DISP1: variants seen among roughly 807,000 people sequenced by gnomAD.
DISP1 encodes dispatched RND transporter family member 1.
Under a neutral mutation model 37.3 loss-of-function variants are expected in DISP1, and 30 were observed. That is an observed-to-expected ratio of 0.80 (90% CI 0.60 to 1.09). DISP1 has a LOEUF of 1.09. Among genes scored for constraint, DISP1 ranks in the 50% least tolerant of loss-of-function variants. The probability of loss-of-function intolerance (pLI) is 0.00; values close to 1 mark genes in which losing one functional copy is unlikely to be tolerated. For synonymous variants in DISP1, 634 were observed against 690.2 expected (o/e 0.92, Z 1.28); for missense variants, 1,598 against 1,879.5 (o/e 0.85, Z 2.77).
chr1:222,833,874 A>G (rs755128386), intron 1 of DISP1, among the ~76,000 whole-genome samples: 2 of 152,240 alleles, frequency 1.3e-5, no homozygotes, highest in African/African-American at 2.4e-5. Context: ...TAAAGAGGGA[A>G]TAGTCATTAC....
chr1:222,985,236 A>G (rs1678181048), intron 4 of DISP1, among the ~76,000 whole-genome samples: 1 of 152,258 alleles, frequency 6.6e-6, no homozygotes, highest in South Asian at 2.1e-4. Context: ...TTTTACGTAC[A>G]TGTGCATATA....
At chr1:222,883,042 A>C (rs959060194) in intron 1 of DISP1, among the ~76,000 whole-genome samples, 1 of 152,194 alleles carries the variant, frequency 6.6e-6, no homozygotes, top group African/African-American at 2.4e-5. Context: ...AAGAAATGCC[A>C]GTTCAAATAA....
At chr1:222,923,903 G>A (rs1242717027) in intron 1 of DISP1, among the ~76,000 whole-genome samples, 2 of 152,104 alleles carry the variant, frequency 1.3e-5, no homozygotes, top group Admixed American at 6.6e-5. Flanking sequence ...AAATGCTGAC[G>A]ATGAGCTCTT....
chr1:222,857,571 A>G (rs937159609), intron 1 of DISP1, among the ~76,000 whole-genome samples: 4 of 152,270 alleles, frequency 2.6e-5, no homozygotes, highest in Admixed American at 6.5e-5. Context: ...CTGATAAGCA[A>G]CTTCAGCAAA....
At chr1:222,860,011 G>A (rs1668781936) in intron 1 of DISP1, among the ~76,000 whole-genome samples, 1 of 152,198 alleles carries the variant, frequency 6.6e-6, no homozygotes, top group Non-Finnish European at 1.5e-5. Flanking sequence ...TAATCAGAAG[G>A]AAACTTTTTT....
At chr1:222,916,780 T>C (rs1044639484) in intron 1 of DISP1, among the ~76,000 whole-genome samples, 1 of 152,212 alleles carries the variant, frequency 6.6e-6, no homozygotes, top group Non-Finnish European at 1.5e-5. Flanking sequence ...ATATCCTTAC[T>C]CCTGCCCATT....
intron 1 of DISP1, among the ~76,000 whole-genome samples, chr1:222,822,836 C>A (rs1663280724): frequency 6.6e-6 from 1 of 152,216 alleles, no homozygotes; most frequent in Admixed American, 6.5e-5. Flanking sequence ...CTTTTCCCTG[C>A]TCTGTTACTT....
intron 1 of DISP1, among the ~76,000 whole-genome samples, chr1:222,901,087 A>G (rs1332729957): frequency 1.3e-5 from 2 of 152,190 alleles, no homozygotes; most frequent in Non-Finnish European, 1.5e-5. Context: ...GATTATCTCT[A>G]GAAACGGTGG....
intron 1 of DISP1, among the ~76,000 whole-genome samples, chr1:222,875,845 A>G (rs1669945332): frequency 6.7e-6 from 1 of 148,918 alleles, no homozygotes; most frequent in African/African-American, 2.5e-5. Context: ...AAAAAAAAAA[A>G]AGAAAGAAAG....
chr1:222,958,260 G>A (rs1288054093), intron 3 of DISP1, among the ~76,000 whole-genome samples: 1 of 152,074 alleles, frequency 6.6e-6, no homozygotes, highest in Non-Finnish European at 1.5e-5. Context: ...TGTTTCCAGC[G>A]GGAAAATTGT....
chr1:222,867,381 G>C (rs1669256144), intron 1 of DISP1, among the ~76,000 whole-genome samples: 1 of 152,162 alleles, frequency 6.6e-6, no homozygotes, highest in Non-Finnish European at 1.5e-5. Flanking sequence ...TTCTTTGTCT[G>C]TACATAGGTA....
Position 222,990,636 on chromosome 1 carries a change from T to C in DISP1, c.551T>C (p.Leu184Pro). The C allele has an allele frequency of 1.2e-6, 2 of 1,614,072 alleles. No individual in the cohort carries two copies. Among genetic ancestry groups the C allele is most frequent in the Non-Finnish European group, 1.7e-6 (2 of 1,179,948 alleles). ...TTTGTGTTTTGTAGTTATGCAGCCC[T>C]GATAGCCGACTGGCCGGTGGTGGTC... ...PFKLPKSYAA[L>P]IADWPVVVLG... The change falls in exon 5 of 9, where the codon CTG becomes CCG. Residue 184 changes from leucine (L) to proline (P), a missense_variant. Leu to Pro is a moderately conservative substitution (Grantham distance 98). Coordinates refer to ENST00000675850, the MANE Select transcript of DISP1 (RefSeq NM_001377229.1).
intron 1 of DISP1, among the ~76,000 whole-genome samples, chr1:222,843,516 A>AT: frequency 6.6e-6 from 1 of 151,710 alleles, no homozygotes; most frequent in Non-Finnish European, 1.5e-5. Flanking sequence ...AGAATATGGA[A>AT]TGAAACATGG....
chr1:222,977,342 CT>C (rs397982983), intron 3 of DISP1, among the ~76,000 whole-genome samples: 5 of 113,882 alleles, frequency 4.4e-5, no homozygotes, highest in Admixed American at 9.9e-5. Context: ...TCAGCATATT[CT>C]TTTTTTTTTT....
At chr1:222,857,765 G>C (rs1260889220) in intron 1 of DISP1, among the ~76,000 whole-genome samples, 1 of 152,156 alleles carries the variant, frequency 6.6e-6, no homozygotes, top group African/African-American at 2.4e-5. Context: ...ACAAACCACT[G>C]CTCAAGGAAA....
At chr1:222,940,414 T>A (rs1031430458) in intron 2 of DISP1, among the ~76,000 whole-genome samples, 1 of 152,104 alleles carries the variant, frequency 6.6e-6, no homozygotes, top group African/African-American at 2.4e-5. Context: ...TCTAGCCCCA[T>A]AATCCAATCA....
chr1:222,929,454 A>G (rs985986897), intron 2 of DISP1, among the ~76,000 whole-genome samples: 2 of 152,202 alleles, frequency 1.3e-5, no homozygotes, highest in Non-Finnish European at 2.9e-5. Context: ...TTATTCAATG[A>G]TAATGCAAGA....
intron 3 of DISP1, among the ~76,000 whole-genome samples, chr1:222,956,774 TA>T (rs1401806843): frequency 2.0e-5 from 3 of 152,164 alleles, no homozygotes; most frequent in African/African-American, 7.2e-5. Flanking sequence ...TAGTTAAGTT[TA>T]ATAAGATTTT....
In DISP1 at chr1:222,984,435, T is replaced by TATATATATATATATAGAG. The variant is rs67660273; in HGVS notation, c.539+1327_539+1328insTATATATATATATAGAGA. ...AAAAAAAAAAAAATATATATATATA[T>TATATATATATATATAGAG]AGAGAGAGAGAGAGAGAGAGAGAGC... On this transcript the variant is annotated intron_variant, in intron 4 of 8. Transcript: ENST00000675850. 6.8e-4 allele frequency among the ~76,000 whole-genome samples: 74 copies of TATATATATATATATAGAG among 108,366 alleles called. 3 individuals are homozygous for TATATATATATATATAGAG. Among genetic ancestry groups the TATATATATATATATAGAG allele is most frequent in the Middle Eastern group, 9.5e-3 (2 of 210 alleles). The allele number at this position is 108,366 out of a possible 152,430, so 71.1% of individuals were successfully genotyped here.
Sources: gnomAD v4.1 joint callset for allele counts (sites outside exome capture counted in the v4.1 genomes callset) on GRCh38, gnomAD v4.1.1 for gene constraint, MANE v1.5 for transcripts, NCBI Gene and HGNC (gene_info 2026-07-23, HGNC 2026-07-21) for gene names.